The following TRAPPC9 variants were observed in gnomAD, a reference collection of about 807,000 sequenced individuals.
TRAPPC9 encodes trafficking protein particle complex subunit 9, also known as IKK2 binding protein.
TRAPPC9 carries 83 observed loss-of-function variants against 124.0 expected under a neutral mutation model. That is an observed-to-expected ratio of 0.67 (90% CI 0.56 to 0.80). The LOEUF (loss-of-function observed/expected upper bound fraction) is 0.80. TRAPPC9 is among the 30% of genes least tolerant of loss of function. The pLI is 0.00. For missense variants in TRAPPC9, 1,302 were observed against 1,508.3 expected, an observed-to-expected ratio of 0.86 and a Z score of 2.27; for synonymous variants, 638 against 617.5, an observed-to-expected ratio of 1.03 and a Z score of -0.49.
intron 17 of TRAPPC9, among the ~76,000 whole-genome samples, chr8:140,149,814 C>T (rs1446282877): frequency 1.6e-5 from 2 of 121,720 alleles, no homozygotes; most frequent in African/African-American, 6.5e-5. Flanking sequence ...CTCGCCTTGA[C>T]GCAGCACATG....
At chr8:139,861,277 AT>A (rs1828129594) in intron 21 of TRAPPC9, among the ~76,000 whole-genome samples, 1 of 152,214 alleles carries the variant, frequency 6.6e-6, no homozygotes, top group Admixed American at 6.5e-5. Context: ...CTGCTGTGTC[AT>A]TCCCCTATTG....
chr8:139,877,612 G>A (rs890481090), intron 21 of TRAPPC9, among the ~76,000 whole-genome samples: 3 of 152,172 alleles, frequency 2.0e-5, no homozygotes, highest in Admixed American at 1.3e-4. Context: ...CCGGGATTCA[G>A]GCCCCAGAAG....
At chr8:139,968,523 G>A (rs1262304795) in intron 19 of TRAPPC9, among the ~76,000 whole-genome samples, 1 of 152,232 alleles carries the variant, frequency 6.6e-6, no homozygotes. Context: ...CACGTCGCTA[G>A]TGGGCAGGGA....
intron 21 of TRAPPC9, among the ~76,000 whole-genome samples, chr8:139,777,059 C>A (rs191147220): frequency 2.6e-5 from 4 of 152,312 alleles, no homozygotes; most frequent in African/African-American, 7.2e-5. Flanking sequence ...CAAGGTCCTT[C>A]ACCTTCCATG....
chr8:139,758,625 C>T (rs886112665), intron 21 of TRAPPC9, among the ~76,000 whole-genome samples: 1 of 152,132 alleles, frequency 6.6e-6, no homozygotes, highest in Non-Finnish European at 1.5e-5. Flanking sequence ...GCCAGGCTCC[C>T]TGAAGGAGGG....
At chr8:139,782,643 G>T (rs1315620048) in intron 21 of TRAPPC9, among the ~76,000 whole-genome samples, 1 of 152,176 alleles carries the variant, frequency 6.6e-6, no homozygotes, top group African/African-American at 2.4e-5. Context: ...TTGTTTCAAT[G>T]ATCGATACCA....
chr8:140,410,625 C>G (rs1453955345), intron 5 of TRAPPC9, among the ~76,000 whole-genome samples: 2 of 152,124 alleles, frequency 1.3e-5, no homozygotes, highest in African/African-American at 4.8e-5. Context: ...GGGCGGACCA[C>G]AAGGTCAGGA....
chr8:140,211,228 A>G (rs1271312782), intron 17 of TRAPPC9, among the ~76,000 whole-genome samples: 1 of 152,192 alleles, frequency 6.6e-6, no homozygotes, highest in Non-Finnish European at 1.5e-5. Flanking sequence ...CCACATCTCT[A>G]CAACAAATTA....
chr8:140,025,341 T>A (rs1840076456), intron 17 of TRAPPC9, among the ~76,000 whole-genome samples: 1 of 152,130 alleles, frequency 6.6e-6, no homozygotes, highest in Non-Finnish European at 1.5e-5. Flanking sequence ...CTAAGAACAG[T>A]TTTTACATTT....
chr8:139,806,124 A>T (rs1432187977), intron 21 of TRAPPC9: 1 of 152,248 alleles, frequency 6.6e-6, no homozygotes, highest in Non-Finnish European at 1.5e-5. Flanking sequence ...CCGAGGGCTT[A>T]ACCCTTACCA....
chr8:139,833,994 G>A (rs959508255), intron 21 of TRAPPC9, among the ~76,000 whole-genome samples: 10 of 152,274 alleles, frequency 6.6e-5, no homozygotes, highest in South Asian at 4.1e-4. Flanking sequence ...TGTGCAAATC[G>A]CTACCCAACC....
chr8:140,179,983 T>C (rs1232295691), intron 17 of TRAPPC9, among the ~76,000 whole-genome samples: 2 of 142,014 alleles, frequency 1.4e-5, no homozygotes, highest in Non-Finnish European at 3.0e-5. Flanking sequence ...CAATTTATAG[T>C]TATATCTTGA....
At chr8:140,161,414 A>ATTT (rs11389261) in intron 17 of TRAPPC9, among the ~76,000 whole-genome samples, 1 of 150,002 alleles carries the variant, frequency 6.7e-6, no homozygotes, top group African/African-American at 2.5e-5. Flanking sequence ...AACATCTCCA[A>ATTT]TTTTTTTTTT....
chr8:140,028,103 C>T (rs973754238), intron 17 of TRAPPC9, among the ~76,000 whole-genome samples: 18 of 151,938 alleles, frequency 1.2e-4, no homozygotes, highest in Admixed American at 3.9e-4. Context: ...AAAAAGGCCT[C>T]CTCAGTCTTT....
At chr8:139,784,635 ATATATATAT>A (rs1563810565) in intron 21 of TRAPPC9, among the ~76,000 whole-genome samples, 3 of 143,778 alleles carry the variant, frequency 2.1e-5, no homozygotes, top group African/African-American at 7.6e-5. Flanking sequence ...ATATATATAT[ATATATATAT>A]AAATCAACTG....
chr8:140,013,023 C>T (rs368980235), intron 18 of TRAPPC9, among the ~76,000 whole-genome samples: 3 of 152,178 alleles, frequency 2.0e-5, no homozygotes, highest in African/African-American at 7.2e-5. Context: ...GAGACGACAG[C>T]GCCTCAACAC....
intron 21 of TRAPPC9, among the ~76,000 whole-genome samples, chr8:139,857,773 C>T (rs1382149211): frequency 6.6e-6 from 1 of 152,250 alleles, no homozygotes; most frequent in African/African-American, 2.4e-5. Context: ...CAGCTGCACA[C>T]AGCCAGCAGC....
chr8:140,236,463 T>C (rs2063733666), intron 16 of TRAPPC9, among the ~76,000 whole-genome samples: 1 of 152,226 alleles, frequency 6.6e-6, no homozygotes. Flanking sequence ...ATTATCTTTG[T>C]GGGCAGCTAT....
chr8:139,874,511 G>T (rs1345762026), intron 21 of TRAPPC9, among the ~76,000 whole-genome samples: 6 of 152,232 alleles, frequency 3.9e-5, no homozygotes, highest in Non-Finnish European at 8.8e-5. Context: ...AGGCACAAAC[G>T]TGTGGGGCCA....
Sources: allele counts gnomAD v4.1 joint callset (sites outside exome capture counted in the v4.1 genomes callset), GRCh38; gene constraint gnomAD v4.1.1; transcripts MANE v1.5; gene names NCBI Gene and HGNC (gene_info 2026-07-23, HGNC 2026-07-21).